The following GNG2 variants were observed in gnomAD, a reference collection of about 807,000 sequenced individuals.
The protein encoded by GNG2 is guanine nucleotide-binding protein G(I)/G(S)/G(O) subunit gamma-2.
In GNG2, 5 loss-of-function variants were observed where a neutral mutation model predicts 5.5. The observed-to-expected ratio is 0.91, with a 90% CI of 0.48 to 1.92. The LOEUF (loss-of-function observed/expected upper bound fraction) is 1.92. GNG2 is among the 30% of genes most tolerant of loss of function. The pLI is 0.01. For missense variants in GNG2, 55 were observed against 88.4 expected (o/e 0.62, Z 1.52); for synonymous variants, 28 against 32.0 (o/e 0.88, Z 0.42).
chr14:51,895,528 G>GA (rs1594887588), intron 2 of GNG2, among the ~76,000 whole-genome samples: 1 of 152,184 alleles, frequency 6.6e-6, no homozygotes, highest in East Asian at 1.9e-4. Context: ...TAAACATCTG[G>GA]AAAAAAGGCC....
At chr14:51,834,478 G>A (rs1881281505) in intron 2 of GNG2, among the ~76,000 whole-genome samples, 1 of 152,200 alleles carries the variant, frequency 6.6e-6, no homozygotes, top group Non-Finnish European at 1.5e-5. Flanking sequence ...GTCAAGTGCT[G>A]GGTCCAGGTG....
At chr14:51,869,986 C>A (rs189507842) in intron 1 of GNG2, among the ~76,000 whole-genome samples, 31 of 152,284 alleles carry the variant, frequency 2.0e-4, no homozygotes, top group Non-Finnish European at 3.5e-4. Context: ...AGTCATCAGA[C>A]CCCAGCAAAA....
At chr14:51,880,967 G>GAAAAAAAAAA (rs11463019) in intron 2 of GNG2, among the ~76,000 whole-genome samples, 86 of 101,984 alleles carry the variant, frequency 8.4e-4, no homozygotes, top group Non-Finnish European at 1.1e-3. Flanking sequence ...CAAAAAAAAA[G>GAAAAAAAAAA]AAAAAAAAAA....
intron 2 of GNG2, among the ~76,000 whole-genome samples, chr14:51,829,842 C>CT (rs1178449589): frequency 0.017 from 1,921 of 113,282 alleles, 33 homozygotes; most frequent in Non-Finnish European, 0.024. Context: ...CTCCCTACTT[C>CT]TTCTTTTTTT....
chr14:51,829,382 C>G (rs1305007450), intron 2 of GNG2, among the ~76,000 whole-genome samples: 1 of 152,116 alleles, frequency 6.6e-6, no homozygotes, highest in Non-Finnish European at 1.5e-5. Context: ...TGTTACAAGG[C>G]CCCCAAACAC....
rs1216911348 is a variant in GNG2, at chr14:51,967,188, C to A, written c.*501C>A. On this transcript the variant is annotated 3_prime_UTR_variant, in exon 4 of 4. Transcript: ENST00000556766. ...TCTTTCTTCCTTCTCCTCTACCCCT[C>A]CTTCCACCCCTCCCCATTAGAGTAG... The A allele has an allele frequency of 6.5e-6, 1 of 154,684 alleles. No homozygotes were observed. The highest frequency in any genetic ancestry group is 6.4e-5 in the Admixed American group (1 of 15,654). The allele number at this position is 154,684 out of a possible 1,614,324, so 9.6% of individuals were successfully genotyped here. A position where few individuals can be genotyped will look rare whatever the true frequency, so the allele number is the denominator to read the frequency against.
intron 2 of GNG2, among the ~76,000 whole-genome samples, chr14:51,901,494 G>A (rs186953819): frequency 6.6e-6 from 1 of 152,144 alleles, no homozygotes; most frequent in Non-Finnish European, 1.5e-5. Context: ...ACGCCCAGCT[G>A]AGAAAGTATC....
At chr14:51,885,314 G>GTAT (rs58178633) in intron 2 of GNG2, among the ~76,000 whole-genome samples, 8,206 of 152,132 alleles carry the variant, frequency 0.054, 470 homozygotes, top group East Asian at 0.24. Context: ...ATGTAGGATG[G>GTAT]TATTCACTGA....
chr14:51,950,853 A>G (rs373246725), intron 3 of GNG2, 88 bp downstream of exon 3: 37 of 664,052 alleles, frequency 5.6e-5, no homozygotes, highest in African/African-American at 7.5e-5. Flanking sequence ...GGATAAAACC[A>G]GTAATGACAG....
upstream of GNG2, among the ~76,000 whole-genome samples, chr14:51,856,975 C>T (rs1882191310): frequency 6.6e-6 from 1 of 152,132 alleles, no homozygotes; most frequent in African/African-American, 2.4e-5. Flanking sequence ...CTTCCTTTTC[C>T]TCCCCTCACT....
At chr14:51,917,989 G>A (rs977348328) in intron 2 of GNG2, among the ~76,000 whole-genome samples, 2 of 148,028 alleles carry the variant, frequency 1.4e-5, no homozygotes, top group African/African-American at 5.0e-5. Flanking sequence ...TCGTGTCACT[G>A]CACTCTAGTC....
chr14:51,847,299 G>A (rs1447835358), intron 2 of GNG2: 1 of 152,248 alleles, frequency 6.6e-6, no homozygotes, highest in Non-Finnish European at 1.5e-5. Flanking sequence ...TGCAGCGTCT[G>A]TAGAGGGAAG....
At chr14:51,841,692 A>ATTATTGTGG in intron 2 of GNG2, 1 of 604,780 alleles carries the variant, frequency 1.7e-6, no homozygotes, top group Non-Finnish European at 3.0e-6. Context: ...CAGATGAGAA[A>ATTATTGTGG]AATCACTTTG....
chr14:51,948,099 C>T (rs746082697), intron 2 of GNG2, among the ~76,000 whole-genome samples: 29 of 152,296 alleles, frequency 1.9e-4, no homozygotes, highest in Non-Finnish European at 2.8e-4. Flanking sequence ...AGAGACAAGG[C>T]GTATACCTCT....
At chr14:51,957,682 A>T (rs929312953) in intron 3 of GNG2, among the ~76,000 whole-genome samples, 6 of 152,174 alleles carry the variant, frequency 3.9e-5, no homozygotes, top group African/African-American at 1.4e-4. Context: ...AAGTATGCAA[A>T]TCATCCCAGT....
chr14:51,965,930 C>G (rs151183196), intron 3 of GNG2, among the ~76,000 whole-genome samples: 1 of 151,918 alleles, frequency 6.6e-6, no homozygotes, highest in Non-Finnish European at 1.5e-5. Flanking sequence ...GAAGGAGGGC[C>G]GGGCACAGTG....
intron 2 of GNG2, chr14:51,841,596 G>A (rs10498437): frequency 0.5 from 348,982 of 697,616 alleles, 90,923 homozygotes; most frequent in Middle Eastern, 0.59. Flanking sequence ...GAAGTCCACA[G>A]TAATATTTCA....
At chr14:51,871,170 T>C (rs2140121440) in intron 1 of GNG2, among the ~76,000 whole-genome samples, 1 of 152,292 alleles carries the variant, frequency 6.6e-6, no homozygotes, top group African/African-American at 2.4e-5. Context: ...TTTTTAAACC[T>C]CATGAATGAC....
chr14:51,837,640 C>A (rs557029544), intron 2 of GNG2, among the ~76,000 whole-genome samples: 76 of 120,648 alleles, frequency 6.3e-4, no homozygotes, highest in Admixed American at 3.9e-3. Context: ...GGGTGAGACT[C>A]CGTTTCAAAA....
Sources: allele counts gnomAD v4.1 joint callset (sites outside exome capture counted in the v4.1 genomes callset), GRCh38; gene constraint gnomAD v4.1.1; transcripts MANE v1.5; gene names NCBI Gene and HGNC (gene_info 2026-07-23, HGNC 2026-07-21).